The following TPRG1 variants were observed in gnomAD, a reference collection of about 807,000 sequenced individuals.
TPRG1 encodes tumor protein p63-regulated gene 1 protein.
In TPRG1, 29 loss-of-function variants were observed where a neutral mutation model predicts 29.3. That is an observed-to-expected ratio of 0.99 (90% CI 0.74 to 1.35). The LOEUF is 1.35. Among genes scored for constraint, TPRG1 ranks in the 40% most tolerant of loss-of-function variants. The pLI is 0.00. For synonymous variants in TPRG1, 130 were observed against 116.8 expected, an observed-to-expected ratio of 1.11 and a Z score of -0.73; for missense variants, 327 against 335.0, an observed-to-expected ratio of 0.98 and a Z score of 0.19.
intron 4 of TPRG1, among the ~76,000 whole-genome samples, chr3:189,064,300 T>C (rs775970763): frequency 2.0e-5 from 3 of 152,124 alleles, no homozygotes; most frequent in Non-Finnish European, 4.4e-5. Flanking sequence ...AAAGCATTCC[T>C]AGAAGTTAGA....
At chr3:189,079,443 G>T (rs1179740289) in intron 4 of TPRG1, among the ~76,000 whole-genome samples, 3 of 152,094 alleles carry the variant, frequency 2.0e-5, no homozygotes, top group Non-Finnish European at 4.4e-5. Flanking sequence ...AGAGACCATG[G>T]CTTCTATATC....
chr3:189,148,329 A>C (rs1725513004), intron 4 of TPRG1, among the ~76,000 whole-genome samples: 1 of 152,212 alleles, frequency 6.6e-6, no homozygotes, highest in South Asian at 2.1e-4. Flanking sequence ...CTGGCTGCAA[A>C]GGGCTCACAG....
intron 3 of TPRG1, among the ~76,000 whole-genome samples, chr3:189,016,253 G>T (rs1230630440): frequency 2.0e-5 from 3 of 152,110 alleles, no homozygotes; most frequent in South Asian, 2.1e-4. Context: ...TTTCAGAATT[G>T]CTTGGGGCCT....
chr3:189,242,203 A>G (rs1314361868), intron 4 of TPRG1, among the ~76,000 whole-genome samples: 1 of 152,036 alleles, frequency 6.6e-6, no homozygotes, highest in Non-Finnish European at 1.5e-5. Context: ...TTTTATGTTT[A>G]TTATTTTATA....
intron 3 of TPRG1, among the ~76,000 whole-genome samples, chr3:189,135,703 A>G (rs1723664247): frequency 6.6e-6 from 1 of 152,162 alleles, no homozygotes; most frequent in South Asian, 2.1e-4. Flanking sequence ...TCTCCAACTT[A>G]TTGGCTATGG....
intron 3 of TPRG1, among the ~76,000 whole-genome samples, chr3:189,222,332 A>G (rs2108868438): frequency 6.6e-6 from 1 of 152,312 alleles, no homozygotes; most frequent in South Asian, 2.1e-4. Flanking sequence ...ATTAAAAAGG[A>G]AAAAGGTTAA....
At chr3:189,041,518 ATAT>A (rs1714634301) in intron 4 of TPRG1, among the ~76,000 whole-genome samples, 1 of 152,012 alleles carries the variant, frequency 6.6e-6, no homozygotes, top group South Asian at 2.1e-4. Flanking sequence ...TGTGTGGGAG[ATAT>A]TATTGTTTCT....
chr3:189,145,798 C>T (rs974148575), intron 3 of TPRG1, among the ~76,000 whole-genome samples: 1 of 152,074 alleles, frequency 6.6e-6, no homozygotes, highest in Non-Finnish European at 1.5e-5. Flanking sequence ...GGTATCAGGA[C>T]CATATTTATG....
At chr3:189,000,644 A>G (rs896634826) in intron 1 of TPRG1, 2 of 151,926 alleles carry the variant, frequency 1.3e-5, no homozygotes, top group African/African-American at 4.8e-5. Context: ...TCTCTGTTTC[A>G]TTTGGCCATC....
intron 4 of TPRG1, among the ~76,000 whole-genome samples, chr3:189,063,592 GAAAT>G (rs930468557): frequency 2.0e-5 from 3 of 151,886 alleles, no homozygotes; most frequent in African/African-American, 7.3e-5. Context: ...AATCAAACTA[GAAAT>G]AAATAAAGTC....
chr3:189,084,606 C>A (rs916874333), intron 4 of TPRG1, among the ~76,000 whole-genome samples: 1 of 152,186 alleles, frequency 6.6e-6, no homozygotes, highest in Non-Finnish European at 1.5e-5. Flanking sequence ...TATTCTGAAT[C>A]AGAATCTAGA....
intron 4 of TPRG1, among the ~76,000 whole-genome samples, chr3:189,081,699 TA>T (rs1324061497): frequency 1.3e-5 from 2 of 152,302 alleles, no homozygotes; most frequent in African/African-American, 4.8e-5. Context: ...TTCTTTCTGT[TA>T]AAAAATAAAC....
At chr3:189,038,629 CATA>C (rs1331443525) in intron 4 of TPRG1, among the ~76,000 whole-genome samples, 1 of 151,918 alleles carries the variant, frequency 6.6e-6, no homozygotes, top group African/African-American at 2.4e-5. Flanking sequence ...GGATCTGATA[CATA>C]ATAATTATGA....
At chr3:189,043,122 G>A (rs1414343208) in intron 4 of TPRG1, among the ~76,000 whole-genome samples, 1 of 151,922 alleles carries the variant, frequency 6.6e-6, no homozygotes, top group Non-Finnish European at 1.5e-5. Flanking sequence ...CAATTAAATG[G>A]GCCCTGTTCA....
chr3:189,310,615 TAAACAAAACA>T (rs1487848827), intron 5 of TPRG1, 76 bp downstream of exon 5: 11 of 771,524 alleles, frequency 1.4e-5, no homozygotes, highest in Admixed American at 3.1e-5. Context: ...CGTGTACTCC[TAAACAAAACA>T]AAATAAAATA....
intron 4 of TPRG1, among the ~76,000 whole-genome samples, chr3:189,026,547 A>G (rs1175777063): frequency 6.6e-6 from 1 of 152,186 alleles, no homozygotes; most frequent in Non-Finnish European, 1.5e-5. Context: ...TTCTTTCCAC[A>G]TGGACGAGAA....
At chr3:189,154,596 C>A (rs999072593) in intron 5 of TPRG1, among the ~76,000 whole-genome samples, 1 of 151,900 alleles carries the variant, frequency 6.6e-6, no homozygotes, top group Non-Finnish European at 1.5e-5. Flanking sequence ...CTCCCACCAC[C>A]ACGCCTGGCT....
chr3:189,033,839 G>C (rs1418556645), intron 4 of TPRG1, among the ~76,000 whole-genome samples: 1 of 152,100 alleles, frequency 6.6e-6, no homozygotes, highest in African/African-American at 2.4e-5. Context: ...GCCTCCCAAA[G>C]TGCTGGGATT....
intron 1 of TPRG1, among the ~76,000 whole-genome samples, chr3:189,181,521 A>G (rs1011344775): frequency 1.3e-5 from 2 of 152,304 alleles, no homozygotes; most frequent in East Asian, 3.9e-4. Flanking sequence ...GCAAAATGCA[A>G]CCAGTCTCTT....
Sources: gnomAD v4.1 joint callset for allele counts (sites outside exome capture counted in the v4.1 genomes callset) on GRCh38, gnomAD v4.1.1 for gene constraint, MANE v1.5 for transcripts, NCBI Gene and HGNC (gene_info 2026-07-23, HGNC 2026-07-21) for gene names.